The following HECTD4 variants were observed in gnomAD, a reference collection of about 807,000 sequenced individuals.
The protein encoded by HECTD4 is HECT domain E3 ubiquitin protein ligase 4, also known as probable E3 ubiquitin-protein ligase HECTD4.
Under a neutral mutation model 471.5 loss-of-function variants are expected in HECTD4, and 114 were observed. The ratio of observed to expected loss-of-function variants is 0.24; its 90% CI spans 0.21 to 0.28. The LOEUF is 0.28. Among genes scored for constraint, HECTD4 ranks in the 10% least tolerant of loss-of-function variants. The probability of loss-of-function intolerance (pLI) is 1.00; values close to 1 mark genes in which losing one functional copy is unlikely to be tolerated. For synonymous variants in HECTD4, 2,012 were observed against 2,256.0 expected (o/e 0.89, Z 3.07); for missense variants, 3,866 against 5,651.5 (o/e 0.68, Z 10.13).
intron 32 of HECTD4, among the ~76,000 whole-genome samples, chr12:112,241,987 G>A (rs958471233): frequency 6.6e-6 from 1 of 152,300 alleles, no homozygotes; most frequent in South Asian, 2.1e-4. Context: ...GCCTCCAGCA[G>A]CTCCAGTCCA....
At chr12:112,342,605 T>A (rs976394709) in intron 1 of HECTD4, among the ~76,000 whole-genome samples, 1 of 152,236 alleles carries the variant, frequency 6.6e-6, no homozygotes, top group African/African-American at 2.4e-5. Context: ...ATGCTGCTTT[T>A]ACTATCGCAT....
chr12:112,336,087 G>T (rs2035952419), intron 1 of HECTD4, among the ~76,000 whole-genome samples: 1 of 151,614 alleles, frequency 6.6e-6, no homozygotes, highest in Non-Finnish European at 1.5e-5. Context: ...AGAAAATAGT[G>T]AACAAAGAAA....
At chr12:112,249,925 C>CAA in intron 25 of HECTD4, 1 of 558,236 alleles carries the variant, frequency 1.8e-6, no homozygotes, top group South Asian at 2.1e-5. Flanking sequence ...AACAAGTTCC[C>CAA]AAGTGATGCC....
At chr12:112,227,262 C>T (rs961829409) in intron 43 of HECTD4, among the ~76,000 whole-genome samples, 1 of 152,130 alleles carries the variant, frequency 6.6e-6, no homozygotes, top group African/African-American at 2.4e-5. Flanking sequence ...GAGTTTCAGA[C>T]CAGCCTGGCC....
chr12:112,192,596 C>T lies in HECTD4; in HGVS notation c.9256G>A (p.Val3086Met). Residue 3086 changes from valine to methionine, a missense_variant, in exon 59 of 76, where the codon GTG (valine) becomes ATG (methionine). Coordinates refer to ENST00000682272, the MANE Select transcript of HECTD4 (RefSeq NM_001388303.1). ...PPPTADQYPS[V>M]VLSTDRVHIK... ...TGGACCCTGTCTGTGGAGAGGACCACAGAGGGGTACTGGTCAGCGGTGGGG... is the reference window on the plus strand; with the variant it reads ...TGGACCCTGTCTGTGGAGAGGACCATAGAGGGGTACTGGTCAGCGGTGGGG... 2 of 1,604,640 alleles carry T rather than the reference C, an allele frequency of 1.2e-6. No homozygotes were observed. The highest frequency in any genetic ancestry group is 1.7e-6 in the Non-Finnish European group (2 of 1,175,300).
chr12:112,267,282 G>A (rs1027105175), intron 13 of HECTD4: 27 of 303,968 alleles, frequency 8.9e-5, no homozygotes, highest in African/African-American at 3.5e-4. Context: ...GAGTAGCTGC[G>A]CTCCCCTGCT....
chr12:112,264,340 G>T, intron 16 of HECTD4, 128 bp from the exon 17 acceptor site: 1 of 823,038 alleles, frequency 1.2e-6, no homozygotes, highest in Non-Finnish European at 1.7e-6. Context: ...GACCAAGTTA[G>T]TTTTTCAGGT....
chr12:112,273,730 A>G lies in HECTD4; in HGVS notation c.1867T>C (p.Cys623Arg). 6.2e-7 allele frequency: 1 copy of G among 1,613,936 alleles called. No individual in the cohort carries two copies. Among genetic ancestry groups the G allele is most frequent in the Non-Finnish European group, 8.5e-7 (1 of 1,179,812 alleles). Residue 623 changes from cysteine to arginine, a missense_variant, in exon 11 of 76, where the codon TGT becomes CGT. Cys to Arg is a radical substitution (Grantham distance 180). This residue lies in a region of HECTD4 where 525 missense variants were observed against 672.6 expected (regional missense o/e 0.78). Transcript: ENST00000682272. ...TGGAAGGCTTGATTCCCAGGGTTAC[A>G]CCACTGATCGATATAGTCATTTGAG... is the stretch of plus-strand genomic sequence containing the variant. ...TCSNDYIDQWCNPGNQAFHYV... is the reference protein window; with the variant it reads ...TCSNDYIDQWRNPGNQAFHYV...
chr12:112,293,464 C>T (rs1029184109), intron 7 of HECTD4, among the ~76,000 whole-genome samples: 6 of 151,878 alleles, frequency 4.0e-5, no homozygotes, highest in Admixed American at 6.6e-5. Flanking sequence ...ATTTATTGAA[C>T]CTGGGAGACA....
At chr12:112,266,520 G>A (rs1263171684) in intron 14 of HECTD4, among the ~76,000 whole-genome samples, 1 of 152,168 alleles carries the variant, frequency 6.6e-6, no homozygotes, top group African/African-American at 2.4e-5. Flanking sequence ...TCATTCTGTT[G>A]CCCAGGCTAG....
chr12:112,168,869 G>C (rs968110820), intron 70 of HECTD4, among the ~76,000 whole-genome samples: 3 of 152,226 alleles, frequency 2.0e-5, no homozygotes, highest in Non-Finnish European at 4.4e-5. Context: ...GTTGCTCTCA[G>C]AGAGGCCTAG....
At chr12:112,269,348 C>G (rs2034364083) in intron 13 of HECTD4, among the ~76,000 whole-genome samples, 1 of 152,158 alleles carries the variant, frequency 6.6e-6, no homozygotes, top group Admixed American at 6.5e-5. Flanking sequence ...GTGGCAAAGT[C>G]TAGAACCCAG....
chr12:112,302,224 G>C, intron 7 of HECTD4: 1 of 1,321,642 alleles, frequency 7.6e-7, no homozygotes, highest in Non-Finnish European at 1.1e-6. Flanking sequence ...GAGCTTTCTT[G>C]TTCTCCACCA....
At chr12:112,270,586 C>T in intron 11 of HECTD4, 127 bp from the exon 12 acceptor site, 2 of 765,040 alleles carry the variant, frequency 2.6e-6, no homozygotes, top group Non-Finnish European at 2.2e-6. Context: ...ATCTCTTTCA[C>T]TGCTGCCAGA....
chr12:112,227,950 A>T (rs1343575247), intron 43 of HECTD4, 139 bp downstream of exon 43: 4 of 717,544 alleles, frequency 5.6e-6, no homozygotes, highest in Non-Finnish European at 8.7e-6. Flanking sequence ...CTGTAAAAGA[A>T]TGGTTACTGT....
Position 112,247,050 on chromosome 12 carries a change from G to C in HECTD4, c.4364C>G (p.Ser1455Cys), listed in dbSNP as rs749946027. 66 of 1,608,550 alleles carry C rather than the reference G, an allele frequency of 4.1e-5. No individual in the cohort carries two copies. Among genetic ancestry groups the C allele is most frequent in the Non-Finnish European group, 5.2e-5 (61 of 1,178,036 alleles). Reference protein sequence around the residue: ...LREKFLQEVNSLIQKPSHPLA... With the variant: ...LREKFLQEVNCLIQKPSHPLA... ...TGGGTGTGAGGGTTTCTGAATAAGA[G>C]AATTCACTTCTTGTAGGAACTTCTC... Residue 1455 changes from serine (S) to cysteine (C), a missense_variant, in exon 29 of 76, where the codon TCT becomes TGT. Physicochemically the swap from Ser to Cys is moderately radical, Grantham distance 112. Transcript: ENST00000682272.
chr12:112,255,222 A>G (rs1298920109), intron 21 of HECTD4, among the ~76,000 whole-genome samples: 3 of 152,216 alleles, frequency 2.0e-5, no homozygotes, highest in Non-Finnish European at 4.4e-5. Context: ...CCATTTCTAT[A>G]TTAAAAGTCA....
intron 9 of HECTD4, among the ~76,000 whole-genome samples, chr12:112,275,512 T>C (rs956463572): frequency 8.5e-5 from 13 of 152,170 alleles, no homozygotes; most frequent in African/African-American, 3.1e-4. Flanking sequence ...GGAAAGTCAT[T>C]GAACATTTCA....
At chr12:112,344,730 C>A (rs2036115256) in intron 1 of HECTD4, among the ~76,000 whole-genome samples, 1 of 152,010 alleles carries the variant, frequency 6.6e-6, no homozygotes, top group Non-Finnish European at 1.5e-5. Context: ...ACCAGCCTGA[C>A]CAACATGGTG....
Sources: gnomAD v4.1 joint callset for allele counts (sites outside exome capture counted in the v4.1 genomes callset) on GRCh38, gnomAD v4.1.1 for gene constraint, gnomAD v4.1.1 regional missense constraint, MANE v1.5 for transcripts, NCBI Gene and HGNC (gene_info 2026-07-23, HGNC 2026-07-21) for gene names.